DIAPH2: variants seen among roughly 807,000 people sequenced by gnomAD.
DIAPH2 encodes the protein diaphanous related formin 2, also known as protein diaphanous homolog 2.
Under a neutral mutation model 92.7 loss-of-function variants are expected in DIAPH2, and 35 were observed. The ratio of observed to expected loss-of-function variants is 0.38; its 90% CI spans 0.29 to 0.50. DIAPH2 has a LOEUF of 0.50. Ranked by LOEUF, DIAPH2 falls within the 20% of genes least tolerant of loss-of-function variation. The pLI, the probability that DIAPH2 is intolerant of heterozygous loss-of-function variation, is 0.94. For missense variants in DIAPH2, 701 were observed against 819.5 expected (o/e 0.86, Z 1.77); for synonymous variants, 301 against 280.4 (o/e 1.07, Z -0.73).
intron 23 of DIAPH2, among the ~76,000 whole-genome samples, chrX:97,297,948 A>G (rs1304896427): frequency 9.1e-6 from 1 of 110,301 alleles, no homozygotes; most frequent in African/African-American, 3.3e-5. Flanking sequence ...TAATGTGTTT[A>G]CCAGTCAGTC....
rs1569436760 is a variant in DIAPH2, at chrX:96,962,488, CACACACACATAT to C, written c.1936-2603_1936-2592del. On this transcript the variant is annotated intron_variant, in intron 16 of 26. Coordinates refer to ENST00000324765, the MANE Select transcript of DIAPH2 (RefSeq NM_006729.5). ...ATATACATATATATATACACACACA[CACACACACATAT>C]ATATATATATATATATATATATACC... 7.4e-4 allele frequency among the ~76,000 whole-genome samples: 20 copies of C among 27,038 alleles called. No individual in the cohort carries two copies. In the South Asian group the frequency reaches 0.028, roughly 38 times the overall value. The allele number at this position is 27,038 out of a possible 115,157, so 23.5% of individuals were successfully genotyped here.
chrX:96,705,672 C>T (rs1041960895), intron 1 of DIAPH2, among the ~76,000 whole-genome samples: 2 of 111,983 alleles, frequency 1.8e-5, no homozygotes, highest in Admixed American at 9.5e-5. Context: ...CATTGAAAAA[C>T]GTAAAAGTAT....
intron 23 of DIAPH2, among the ~76,000 whole-genome samples, chrX:97,328,903 G>A (rs1482692837): frequency 1.8e-5 from 2 of 111,379 alleles, no homozygotes; most frequent in Non-Finnish European, 3.8e-5. Context: ...ATCATTAAAA[G>A]TATTTATTCC....
chrX:96,737,740 C>T (rs1165132281), intron 2 of DIAPH2, among the ~76,000 whole-genome samples: 2 of 111,527 alleles, frequency 1.8e-5, no homozygotes, highest in African/African-American at 6.5e-5. Flanking sequence ...CGTAAAATAG[C>T]AAGTTTTTCT....
chrX:96,979,897 G>A (rs1424210221), intron 17 of DIAPH2, among the ~76,000 whole-genome samples: 1 of 111,551 alleles, frequency 9.0e-6, no homozygotes, highest in Non-Finnish European at 1.9e-5. Flanking sequence ...GCAATTGCTT[G>A]GATCTGCTGC....
intron 5 of DIAPH2, among the ~76,000 whole-genome samples, chrX:96,893,046 G>A (rs1309108276): frequency 2.7e-5 from 3 of 111,673 alleles, no homozygotes; most frequent in Non-Finnish European, 5.6e-5. Flanking sequence ...TATGTCATTT[G>A]AAATATATTT....
intron 17 of DIAPH2, among the ~76,000 whole-genome samples, chrX:96,987,950 GGAGAA>G (rs1305043046): frequency 9.0e-6 from 1 of 110,593 alleles, no homozygotes; most frequent in African/African-American, 3.3e-5. Flanking sequence ...ATTTTTTGTT[GGAGAA>G]AACTGCTTAT....
intron 22 of DIAPH2, among the ~76,000 whole-genome samples, chrX:97,178,593 C>G (rs919773604): frequency 1.8e-5 from 2 of 108,168 alleles, no homozygotes; most frequent in Non-Finnish European, 3.8e-5. Flanking sequence ...GCTAGGATTA[C>G]AGGCGCCCAC....
chrX:97,430,291 A>G (rs2070112917), intron 26 of DIAPH2, among the ~76,000 whole-genome samples: 1 of 112,252 alleles, frequency 8.9e-6, no homozygotes, highest in African/African-American at 3.2e-5. Context: ...AAGCCACACT[A>G]TGAAAATAGA....
intron 4 of DIAPH2, chrX:96,793,467 C>T: frequency 3.6e-6 from 1 of 275,895 alleles, no homozygotes; most frequent in South Asian, 3.5e-5. Flanking sequence ...CCGTGCCCGG[C>T]CCCCTTCCAC....
At chrX:96,794,238 G>A (rs913352139) in intron 4 of DIAPH2, among the ~76,000 whole-genome samples, 5 of 111,058 alleles carry the variant, frequency 4.5e-5, no homozygotes, top group Non-Finnish European at 9.4e-5. Context: ...CTCCCCAACG[G>A]CCCTAACTCT....
chrX:97,336,243 C>CTTTTTTTTTTT (rs1186112131), intron 23 of DIAPH2, among the ~76,000 whole-genome samples: 13 of 91,741 alleles, frequency 1.4e-4, no homozygotes, highest in Non-Finnish European at 2.0e-4. Context: ...CTTTTCTTTT[C>CTTTTTTTTTTT]TTTTTTTTTT....
At chrX:97,080,014 A>T (rs1395338254) in intron 19 of DIAPH2, among the ~76,000 whole-genome samples, 1 of 111,462 alleles carries the variant, frequency 9.0e-6, no homozygotes, top group Non-Finnish European at 1.9e-5. Flanking sequence ...TATTCATGGT[A>T]TTTTGGTCTC....
chrX:97,480,880 C>T (rs1367985496), intron 26 of DIAPH2, among the ~76,000 whole-genome samples: 1 of 111,916 alleles, frequency 8.9e-6, no homozygotes, highest in African/African-American at 3.2e-5. Flanking sequence ...GTCCTTTTTT[C>T]GTTAACCATT....
chrX:97,185,105 CCT>C, intron 22 of DIAPH2, among the ~76,000 whole-genome samples: 1 of 102,450 alleles, frequency 9.8e-6, no homozygotes, highest in Non-Finnish European at 2.0e-5. Context: ...ATGGTGAAAC[CCT>C]GTCTCTACTA....
intron 22 of DIAPH2, among the ~76,000 whole-genome samples, chrX:97,155,118 G>A (rs1018149666): frequency 8.9e-6 from 1 of 112,064 alleles, no homozygotes; most frequent in Non-Finnish European, 1.9e-5. Context: ...TAGTACAGGT[G>A]GTATAGGTGA....
At chrX:96,852,707 C>T (rs2065013837) in intron 4 of DIAPH2, among the ~76,000 whole-genome samples, 1 of 111,527 alleles carries the variant, frequency 9.0e-6, no homozygotes, top group South Asian at 3.8e-4. Flanking sequence ...TTATTTTGCC[C>T]TTCCAATCCA....
intron 21 of DIAPH2, among the ~76,000 whole-genome samples, chrX:97,120,378 A>G (rs1388004237): frequency 9.1e-6 from 1 of 110,370 alleles, no homozygotes; most frequent in Non-Finnish European, 1.9e-5. Flanking sequence ...CAATTTGGGC[A>G]CTCACAGTAT....
At chrX:97,094,830 G>C (rs1166197506) in intron 19 of DIAPH2, among the ~76,000 whole-genome samples, 1 of 111,641 alleles carries the variant, frequency 9.0e-6, no homozygotes, top group Non-Finnish European at 1.9e-5. Flanking sequence ...TAGACATCCA[G>C]TATATATTGG....
Sources: allele counts gnomAD v4.1 joint callset (sites outside exome capture counted in the v4.1 genomes callset), GRCh38; gene constraint gnomAD v4.1.1; transcripts MANE v1.5; gene names NCBI Gene and HGNC (gene_info 2026-07-23, HGNC 2026-07-21).